Variants in CDC42BPA observed in about 807,000 individuals in gnomAD.
CDC42BPA encodes the protein serine/threonine-protein kinase MRCK alpha.
CDC42BPA carries 80 observed loss-of-function variants against 223.5 expected under a neutral mutation model. The observed-to-expected ratio is 0.36, with a 90% CI of 0.30 to 0.43. CDC42BPA has a LOEUF of 0.43. Ranked by LOEUF, CDC42BPA falls within the 20% of genes least tolerant of loss-of-function variation. The pLI, the probability that CDC42BPA is intolerant of heterozygous loss-of-function variation, is 1.00. For missense variants in CDC42BPA, 1,743 were observed against 2,099.9 expected (o/e 0.83, Z 3.32); for synonymous variants, 694 against 718.6 (o/e 0.97, Z 0.55).
At chr1:227,095,743 C>T (rs746636733) in intron 15 of CDC42BPA, among the ~76,000 whole-genome samples, 3 of 152,026 alleles carry the variant, frequency 2.0e-5, no homozygotes, top group Admixed American at 6.6e-5. Context: ...AGGCACATGC[C>T]ACTGTGTCTG....
At chr1:227,261,417 G>C (rs1684049125) in intron 1 of CDC42BPA, among the ~76,000 whole-genome samples, 1 of 150,580 alleles carries the variant, frequency 6.6e-6, no homozygotes, top group Admixed American at 6.6e-5. Context: ...CACCTAGCCT[G>C]AGTTATTATT....
intron 5 of CDC42BPA, among the ~76,000 whole-genome samples, chr1:227,193,451 C>T (rs1437999340): frequency 1.3e-5 from 2 of 151,850 alleles, no homozygotes; most frequent in Non-Finnish European, 2.9e-5. Context: ...ATATAGTGTA[C>T]CCATCACTTG....
intron 5 of CDC42BPA, among the ~76,000 whole-genome samples, chr1:227,181,746 AAATG>A (rs1667975146): frequency 6.6e-6 from 1 of 152,216 alleles, no homozygotes; most frequent in Admixed American, 6.5e-5. Flanking sequence ...CGTTCATGAT[AAATG>A]AATGAATTTA....
chr1:227,143,016 C>T lies in CDC42BPA; in HGVS notation c.1152G>A (p.Met384Ile). 1.3e-6 allele frequency: 2 copies of T among 1,523,058 alleles called. No individual in the cohort carries two copies. Among genetic ancestry groups the T allele is most frequent in the Non-Finnish European group, 1.7e-6 (2 of 1,145,682 alleles). The allele number at this position is 1,523,058 out of a possible 1,614,324, so 94.3% of individuals were successfully genotyped here. A position where few individuals can be genotyped will look rare whatever the true frequency, so the allele number is the denominator to read the frequency against. The change falls in exon 9 of 37, where the codon ATG (methionine) becomes ATA (isoleucine). Residue 384 changes from methionine to isoleucine, a missense_variant. This residue lies in a region of CDC42BPA where 321 missense variants were observed against 488.7 expected (regional missense o/e 0.66). Transcript: ENST00000366766. ...DDDCLKNSET[M>I]PPPTHTAFSG... ...AAAATGCAGTATGTGTTGGTGGGGGCATCGTTTCCTAAAGGAGGAAAAAAC... is the reference window on the plus strand; with the variant it reads ...AAAATGCAGTATGTGTTGGTGGGGGTATCGTTTCCTAAAGGAGGAAAAAAC...
intron 32 of CDC42BPA, among the ~76,000 whole-genome samples, chr1:227,017,746 G>A (rs1023935101): frequency 6.6e-6 from 1 of 152,000 alleles, no homozygotes; most frequent in South Asian, 2.1e-4. Flanking sequence ...GTCTGCCAGG[G>A]ACTCCCAAAA....
chr1:227,149,281 GA>G (rs1263126992), intron 6 of CDC42BPA, among the ~76,000 whole-genome samples: 1 of 152,202 alleles, frequency 6.6e-6, no homozygotes, highest in Non-Finnish European at 1.5e-5. Context: ...TTCTGTGGTT[GA>G]AAAGTTCCCA....
chr1:227,162,082 C>G (rs1664010443), intron 5 of CDC42BPA, among the ~76,000 whole-genome samples: 1 of 152,082 alleles, frequency 6.6e-6, no homozygotes, highest in Non-Finnish European at 1.5e-5. Flanking sequence ...GCTATACAGT[C>G]ACTACGAATT....
chr1:227,006,954 A>G, intron 34 of CDC42BPA, among the ~76,000 whole-genome samples: 1 of 141,442 alleles, frequency 7.1e-6, no homozygotes, highest in South Asian at 2.1e-4. Flanking sequence ...CCGTCTCAAC[A>G]ACAACAACAA....
Position 227,174,177 on chromosome 1 carries a change from G to C in CDC42BPA, c.600-13541C>G, listed in dbSNP as rs563350787. ...TGGGCTTACTGGAACATAGCCCACT[G>C]TAAGTCGAGGAGCATCCATATAACA... is the stretch of plus-strand genomic sequence containing the variant. On this transcript the variant is annotated intron_variant, in intron 5 of 36. Coordinates refer to ENST00000366766, the MANE Select transcript of CDC42BPA (RefSeq NM_001394014.1). 1.5e-4 allele frequency among the ~76,000 whole-genome samples: 23 copies of C among 152,236 alleles called. No individual in the cohort carries two copies. The East Asian group carries it at 2.7e-3, about 18-fold the overall frequency.
intron 34 of CDC42BPA, among the ~76,000 whole-genome samples, chr1:227,010,105 T>G (rs1436970214): frequency 6.6e-6 from 1 of 152,186 alleles, no homozygotes; most frequent in African/African-American, 2.4e-5. Context: ...CACCACTTGA[T>G]GGACATATGA....
rs370440768 is a variant in CDC42BPA, at chr1:227,128,950, C to T, written c.1513+159G>A. 3.5e-4 allele frequency among the ~76,000 whole-genome samples: 54 copies of T among 152,276 alleles called. No individual in the cohort carries two copies. The South Asian group carries it at 4.1e-3, about 12-fold the overall frequency. On this transcript the variant is annotated intron_variant, in intron 11 of 36. Coordinates refer to ENST00000366766, the MANE Select transcript of CDC42BPA (RefSeq NM_001394014.1). ...TCTGTTTCCCAGACCAAAATGTGAA[C>T]TCCTTGAGAGCAGAACCCATTCTTA... is the stretch of plus-strand genomic sequence containing the variant.
intron 11 of CDC42BPA, among the ~76,000 whole-genome samples, chr1:227,124,164 C>T (rs999410170): frequency 6.6e-6 from 1 of 152,050 alleles, no homozygotes; most frequent in East Asian, 1.9e-4. Context: ...CTATAACCTA[C>T]CCCTAACCTT....
intron 2 of CDC42BPA, among the ~76,000 whole-genome samples, chr1:227,245,058 G>A (rs1335598256): frequency 6.6e-6 from 1 of 152,090 alleles, no homozygotes; most frequent in Admixed American, 6.5e-5. Context: ...AGTGCTCTGG[G>A]GTCCTAGGTA....
chr1:227,089,627 G>GT (rs72110440), intron 16 of CDC42BPA, among the ~76,000 whole-genome samples: 10,142 of 116,550 alleles, frequency 0.087, 535 homozygotes, highest in Non-Finnish European at 0.13. Flanking sequence ...GGGTAATTCC[G>GT]TTTTTTTTTT....
intron 22 of CDC42BPA, 148 bp from the exon 23 acceptor site, chr1:227,048,158 C>T: frequency 2.2e-6 from 1 of 459,778 alleles, no homozygotes; most frequent in Non-Finnish European, 3.9e-6. Context: ...CTCAATAAAG[C>T]TAAAATTCTC....
Position 227,313,757 on chromosome 1 carries a change from A to T in CDC42BPA, c.178+3248T>A, listed in dbSNP as rs550638365. 6.9e-5 allele frequency among the ~76,000 whole-genome samples: 5 copies of T among 72,812 alleles called. No homozygotes were observed. The South Asian group carries it at 1.2e-3, about 17-fold the overall frequency. The allele number at this position is 72,812 out of a possible 152,430, so 47.8% of individuals were successfully genotyped here. On this transcript the variant is annotated intron_variant, in intron 1 of 36. Coordinates refer to ENST00000366766, the MANE Select transcript of CDC42BPA (RefSeq NM_001394014.1). ...CTCACTTAATTAACACTCGTGTCATAAAAAAAAAGTGAACAGCTTTAAAAC... is the reference window on the plus strand; with the variant it reads ...CTCACTTAATTAACACTCGTGTCATTAAAAAAAAGTGAACAGCTTTAAAAC...
intron 1 of CDC42BPA, among the ~76,000 whole-genome samples, chr1:227,289,619 C>T (rs60585433): frequency 0.31 from 46,772 of 151,974 alleles, 7,375 homozygotes; most frequent in East Asian, 0.37. Flanking sequence ...CTGCCTGTCT[C>T]GTTCACTGTT....
Position 227,310,657 on chromosome 1 carries a change from C to T in CDC42BPA, c.178+6348G>A, listed in dbSNP as rs554112395. On this transcript the variant is annotated intron_variant, in intron 1 of 36. Coordinates refer to ENST00000366766, the MANE Select transcript of CDC42BPA (RefSeq NM_001394014.1). ...ATTAATGGAGAAGAAAAGGAAGTCC[C>T]CCAGATTTGGAAAGGAGTTTTTTTT... 2.6e-5 allele frequency among the ~76,000 whole-genome samples: 4 copies of T among 151,740 alleles called. No homozygotes were observed. In the East Asian group the frequency reaches 5.8e-4, roughly 22 times the overall value.
chr1:227,189,276 C>T (rs556880315), intron 5 of CDC42BPA, among the ~76,000 whole-genome samples: 4 of 151,852 alleles, frequency 2.6e-5, no homozygotes, highest in Admixed American at 6.6e-5. Flanking sequence ...AAAAATACTG[C>T]CCAAAGAAAG....
Sources: gnomAD v4.1 joint callset for allele counts (sites outside exome capture counted in the v4.1 genomes callset) on GRCh38, gnomAD v4.1.1 for gene constraint, gnomAD v4.1.1 regional missense constraint, MANE v1.5 for transcripts, NCBI Gene and HGNC (gene_info 2026-07-23, HGNC 2026-07-21) for gene names.